The following SNX19 variants were observed in gnomAD, a reference collection of about 807,000 sequenced individuals.
SNX19 encodes sorting nexin-19.
SNX19 carries 60 observed loss-of-function variants against 85.2 expected under a neutral mutation model. The observed-to-expected ratio is 0.70, with a 90% CI of 0.57 to 0.87. The LOEUF is 0.87. SNX19 is among the 40% of genes least tolerant of loss of function. The pLI is 0.00. For missense variants in SNX19, 1,201 were observed against 1,217.8 expected (o/e 0.99, Z 0.21); for synonymous variants, 520 against 470.0 (o/e 1.11, Z -1.38).
rs1253601817 is a variant in SNX19 at position 130,875,975 on chromosome 11, C to T, written c.*2447G>A. 3 of 152,154 alleles carry T rather than the reference C, an allele frequency of 2.0e-5. No homozygotes were observed. Among genetic ancestry groups the T allele is most frequent in the Non-Finnish European group, 4.4e-5 (3 of 68,030 alleles). The allele number at this position is 152,154 out of a possible 1,614,324, so 9.4% of individuals were successfully genotyped here. The stretch of plus-strand genomic sequence containing the variant: ...AGTTATATGTGATGAAAAAGTATAG[C>T]TTTCTTGAATTCAAATAAGCAATGG... On this transcript the variant is annotated 3_prime_UTR_variant, in exon 11 of 11. Transcript: ENST00000265909.
At chr11:130,905,059 C>T (rs545268039) in intron 7 of SNX19, among the ~76,000 whole-genome samples, 5 of 152,284 alleles carry the variant, frequency 3.3e-5, no homozygotes, top group African/African-American at 1.2e-4. Flanking sequence ...GTTTTGAATC[C>T]AAGATTTTGT....
At chr11:130,889,239 T>G (rs1412798350) in intron 8 of SNX19, among the ~76,000 whole-genome samples, 2 of 152,116 alleles carry the variant, frequency 1.3e-5, no homozygotes, top group Non-Finnish European at 2.9e-5. Flanking sequence ...CCTCTTTCTG[T>G]TTTTAAAATA....
chr11:130,884,537 AAC>A (rs148153318), intron 8 of SNX19, among the ~76,000 whole-genome samples: 4 of 152,052 alleles, frequency 2.6e-5, no homozygotes, highest in African/African-American at 7.2e-5. Flanking sequence ...CTTCAAGGTC[AAC>A]ACACACACAC....
At chr11:130,906,822 C>T (rs1945713093) in intron 5 of SNX19, 101 bp from the exon 6 acceptor site, 4 of 840,242 alleles carry the variant, frequency 4.8e-6, no homozygotes, top group South Asian at 2.9e-5. Context: ...CAAGAATATC[C>T]ATACTTATTC....
Position 130,906,739 on chromosome 11 carries a change from A to G in SNX19, c.2166-18T>C, listed in dbSNP as rs755404722. 1.9e-6 allele frequency: 3 copies of G among 1,564,142 alleles called. No homozygotes were observed. The highest frequency in any genetic ancestry group is 2.6e-6 in the Non-Finnish European group (3 of 1,135,300). On this transcript the variant is annotated intron_variant, in intron 5 of 10. Transcript: ENST00000265909. ...GCCTAGACCTGGTACAGAAACAAAG[A>G]GCAGAAACAGGTTGTAATTTATGGC... is the stretch of plus-strand genomic sequence containing the variant.
intron 8 of SNX19, among the ~76,000 whole-genome samples, chr11:130,897,042 T>C (rs549377875): frequency 4.6e-4 from 70 of 152,198 alleles, no homozygotes; most frequent in Admixed American, 1.1e-3. Flanking sequence ...CGTTGCGCCT[T>C]GCAGCACAGC....
chr11:130,906,506 C>T (rs552320494), intron 6 of SNX19, 119 bp downstream of exon 6: 86 of 757,346 alleles, frequency 1.1e-4, no homozygotes, highest in Admixed American at 1.1e-3. Context: ...GAGATCCAAA[C>T]GTTGATTAAG....
In SNX19 at chr11:130,866,473, C is replaced by T. The variant is rs933139198; in HGVS notation, c.*11949G>A. On this transcript the variant is annotated 3_prime_UTR_variant, in exon 11 of 11. Coordinates refer to ENST00000265909, the MANE Select transcript of SNX19 (RefSeq NM_014758.3). ...AAAGGCCGGGAGACAGTAATAAATA[C>T]GTGCCCATTGCAATGAGTTACCCAA... is the stretch of plus-strand genomic sequence containing the variant. 4 of 152,156 alleles carry T rather than the reference C, an allele frequency of 2.6e-5. No homozygotes were observed. Among genetic ancestry groups the T allele is most frequent in the Non-Finnish European group, 4.4e-5 (3 of 68,040 alleles). 9.4% of individuals were successfully genotyped at this position (152,156 alleles called of 1,614,324 possible). A position where few individuals can be genotyped will look rare whatever the true frequency, so the allele number is the denominator to read the frequency against.
chr11:130,911,574 A>G, intron 2 of SNX19, 59 bp downstream of exon 2: 1 of 1,607,858 alleles, frequency 6.2e-7, no homozygotes, highest in Middle Eastern at 1.8e-4. Context: ...CCAACAGGCC[A>G]ATCAGCGTGG....
chr11:130,898,291 C>A (rs893918438), intron 8 of SNX19, among the ~76,000 whole-genome samples: 1 of 152,028 alleles, frequency 6.6e-6, no homozygotes, highest in Non-Finnish European at 1.5e-5. Flanking sequence ...AATAAACTTG[C>A]CTGCTTGGGG....
In SNX19 at chr11:130,876,741, A is replaced by G. The variant is rs926856020; in HGVS notation, c.*1681T>C. 6.5e-6 allele frequency: 1 copy of G among 152,676 alleles called. No individual in the cohort carries two copies. The highest frequency in any genetic ancestry group is 1.5e-5 in the Non-Finnish European group (1 of 68,054). The allele number at this position is 152,676 out of a possible 1,614,324, so 9.5% of individuals were successfully genotyped here. On this transcript the variant is annotated 3_prime_UTR_variant, in exon 11 of 11. Transcript: ENST00000265909. ...CTGGACTCCTGCAGGTACTCACGGA[A>G]AGTAGAGATGCTGAGCTACCTTTTC...
At chr11:130,889,328 G>A (rs585512) in intron 8 of SNX19, among the ~76,000 whole-genome samples, 1 of 151,726 alleles carries the variant, frequency 6.6e-6, no homozygotes, top group Non-Finnish European at 1.5e-5. Flanking sequence ...ATTGGAAATG[G>A]GTGTTTAATT....
At chr11:130,889,665 C>T (rs1944362944) in intron 8 of SNX19, among the ~76,000 whole-genome samples, 1 of 152,130 alleles carries the variant, frequency 6.6e-6, no homozygotes, top group African/African-American at 2.4e-5. Context: ...TCTGTGTCAG[C>T]TGTTTTTCTC....
Position 130,868,441 on chromosome 11 carries a change from G to T in SNX19, c.*9981C>A, listed in dbSNP as rs1942868613. 1 of 152,134 alleles carries T rather than the reference G, an allele frequency of 6.6e-6. No homozygotes were observed. The highest frequency in any genetic ancestry group is 6.5e-5 in the Admixed American group (1 of 15,278). 9.4% of individuals were successfully genotyped at this position (152,134 alleles called of 1,614,324 possible). A position where few individuals can be genotyped will look rare whatever the true frequency, so the allele number is the denominator to read the frequency against. On this transcript the variant is annotated 3_prime_UTR_variant, in exon 11 of 11. Coordinates refer to ENST00000265909, the MANE Select transcript of SNX19 (RefSeq NM_014758.3). ...GCCCCTTCACCCCAGCAACCAAGAGGCTACAGCTGGATATGTGCTTATGAG... is the reference window on the plus strand; with the variant it reads ...GCCCCTTCACCCCAGCAACCAAGAGTCTACAGCTGGATATGTGCTTATGAG...
chr11:130,879,750 C>T, intron 9 of SNX19, 39 bp from the exon 10 acceptor site: 1 of 1,587,054 alleles, frequency 6.3e-7, no homozygotes, highest in South Asian at 1.1e-5. Flanking sequence ...CGTGTTATCA[C>T]TGAAGTTTTA....
chr11:130,903,706 T>C (rs551430398), intron 7 of SNX19, among the ~76,000 whole-genome samples: 3 of 121,970 alleles, frequency 2.5e-5, no homozygotes, highest in African/African-American at 6.1e-5. Flanking sequence ...CATATATATA[T>C]ATATACACAT....
intron 1 of SNX19, 55 bp downstream of exon 1, chr11:130,914,211 G>A: frequency 1.4e-6 from 2 of 1,445,652 alleles, no homozygotes; most frequent in Non-Finnish European, 1.9e-6. Context: ...CTTCATGACT[G>A]CTTTCCAAAC....
intron 4 of SNX19, among the ~76,000 whole-genome samples, chr11:130,909,570 A>T (rs1168425656): frequency 1.3e-5 from 2 of 151,926 alleles, no homozygotes; most frequent in African/African-American, 4.8e-5. Flanking sequence ...TTCTCTCCAT[A>T]CTCTGTTCTC....
At chr11:130,903,646 T>A (rs1329762165) in intron 7 of SNX19, among the ~76,000 whole-genome samples, 1 of 151,544 alleles carries the variant, frequency 6.6e-6, no homozygotes, top group Non-Finnish European at 1.5e-5. Flanking sequence ...AAGATATATA[T>A]CTTCTAATTA....
Sources: gnomAD v4.1 joint callset for allele counts (sites outside exome capture counted in the v4.1 genomes callset) on GRCh38, gnomAD v4.1.1 for gene constraint, MANE v1.5 for transcripts, NCBI Gene and HGNC (gene_info 2026-07-23, HGNC 2026-07-21) for gene names.